C11orf65: variants seen among roughly 807,000 people sequenced by gnomAD.
C11orf65 encodes chromosome 11 open reading frame 65.
In C11orf65, 38 loss-of-function variants were observed where a neutral mutation model predicts 35.3. The observed-to-expected ratio is 1.08, with a 90% CI of 0.83 to 1.41. The LOEUF is 1.41. C11orf65 is among the 40% of genes most tolerant of loss of function. C11orf65 has a pLI of 0.00. For synonymous variants in C11orf65, 105 were observed against 114.4 expected (o/e 0.92, Z 0.53); for missense variants, 370 against 367.1 (o/e 1.01, Z -0.06).
At chr11:108,336,042 T>C in intron 2 of C11orf65, 1 of 1,088,112 alleles carries the variant, frequency 9.2e-7, no homozygotes, top group Non-Finnish European at 1.4e-6. Context: ...CATGCCCATA[T>C]TCATAATGCT....
At chr11:108,337,163 T>A (rs2086943075) in intron 2 of C11orf65, among the ~76,000 whole-genome samples, 1 of 152,198 alleles carries the variant, frequency 6.6e-6, no homozygotes, top group Non-Finnish European at 1.5e-5. Flanking sequence ...GAACTTGGTT[T>A]TGAGCTTCTT....
In C11orf65 at chr11:108,349,670, G is replaced by C. The variant is rs183038754; in HGVS notation, c.227-14378C>G. Among the ~76,000 whole-genome samples, 391 of 152,120 alleles carry C rather than the reference G, an allele frequency of 2.6e-3. 2 individuals carry two copies. Among genetic ancestry groups the C allele is most frequent in the African/African-American group, 9.1e-3 (378 of 41,520 alleles). ...AGAGCAAGACTGTCTCAAAAAAAAA[G>C]AATGTGGAATCTTCCTACAAGAAGT... On this transcript the variant is annotated intron_variant, in intron 2 of 3. Transcript: ENST00000524755.
In C11orf65 at chr11:108,332,748, T is replaced by G. The variant is rs961324792; in HGVS notation, c.300-1181A>C. 1 of 1,610,454 alleles carries G rather than the reference T, an allele frequency of 6.2e-7. No homozygotes were observed. Among genetic ancestry groups the G allele is most frequent in the Non-Finnish European group, 8.5e-7 (1 of 1,179,016 alleles). Reference sequence around the variant, plus strand: ...GTAGTTCCTTATGTAATGTTTTTTGTTTTTTATTAATAGGATCGAACAGAG... The same window carrying G: ...GTAGTTCCTTATGTAATGTTTTTTGGTTTTTATTAATAGGATCGAACAGAG... On this transcript the variant is annotated intron_variant, in intron 3 of 3. Coordinates refer to the C11orf65 transcript ENST00000524755.
chr11:108,381,304 A>T (rs997668692), downstream of C11orf65, among the ~76,000 whole-genome samples: 2 of 152,182 alleles, frequency 1.3e-5, no homozygotes, highest in African/African-American at 4.8e-5. Flanking sequence ...AACTGAGTCC[A>T]TGTAGCCACT....
intron 2 of C11orf65, among the ~76,000 whole-genome samples, chr11:108,364,013 T>C (rs767240910): frequency 6.6e-5 from 10 of 152,190 alleles, no homozygotes; most frequent in Non-Finnish European, 1.3e-4. Flanking sequence ...ATAGGAAACC[T>C]TGAACTTAAC....
chr11:108,450,985 C>T (rs1238657474), intron 2 of C11orf65, among the ~76,000 whole-genome samples: 7 of 151,842 alleles, frequency 4.6e-5, no homozygotes, highest in Admixed American at 3.9e-4. Context: ...TCTCAATAAA[C>T]TAGGTACTGA....
chr11:108,365,044 T>C lies in C11orf65; in HGVS notation c.226+28164A>G, dbSNP rs2137863292. 3.7e-6 allele frequency: 6 copies of C among 1,605,124 alleles called. No individual in the cohort carries two copies. In the South Asian group the frequency reaches 6.6e-5, roughly 18 times the overall value. ...TGTTTCTAAGTATGTGATTAAAATGTACATTGTTCTTTTAATACATATGTT... is the reference window on the plus strand; with the variant it reads ...TGTTTCTAAGTATGTGATTAAAATGCACATTGTTCTTTTAATACATATGTT... On this transcript the variant is annotated intron_variant, in intron 2 of 3. Coordinates refer to the C11orf65 transcript ENST00000524755.
rs1166582977 is a variant in C11orf65 at position 108,326,040 on chromosome 11, A to T, written c.641-16969T>A. ...CAGTAGTAAAAGTATTTATTCCCATATGTCATTTTCATTTCAGCTCCCTGA... is the reference window on the plus strand; with the variant it reads ...CAGTAGTAAAAGTATTTATTCCCATTTGTCATTTTCATTTCAGCTCCCTGA... On this transcript the variant is annotated intron_variant, in intron 6 of 6. Transcript: ENST00000525729. 1 of 1,612,484 alleles carries T rather than the reference A, an allele frequency of 6.2e-7. No individual in the cohort carries two copies. The highest frequency in any genetic ancestry group is 1.7e-5 in the Admixed American group (1 of 60,014).
At chr11:108,449,190 G>A (rs564381415) in intron 2 of C11orf65, among the ~76,000 whole-genome samples, 7 of 152,134 alleles carry the variant, frequency 4.6e-5, no homozygotes, top group Admixed American at 1.3e-4. Context: ...AATCAATATC[G>A]TGAAAATGGC....
chr11:108,345,458 T>C (rs1056035776), intron 2 of C11orf65, among the ~76,000 whole-genome samples: 2 of 152,214 alleles, frequency 1.3e-5, no homozygotes, highest in Non-Finnish European at 2.9e-5. Context: ...CATTTCTGTG[T>C]TTATTTCTGC....
chr11:108,309,472 G>C (rs2083961729), intron 6 of C11orf65, among the ~76,000 whole-genome samples: 1 of 152,158 alleles, frequency 6.6e-6, no homozygotes. Flanking sequence ...CTAGGAAACT[G>C]AGGTTTAAGA....
At chr11:108,401,561 C>T (rs920914695) in intron 6 of C11orf65, among the ~76,000 whole-genome samples, 6 of 152,108 alleles carry the variant, frequency 3.9e-5, no homozygotes, top group Admixed American at 2.0e-4. Context: ...AAGTAAGAAA[C>T]GATGTAATGC....
chr11:108,314,005 A>G (rs532559018), intron 6 of C11orf65, among the ~76,000 whole-genome samples: 1 of 152,310 alleles, frequency 6.6e-6, no homozygotes, highest in African/African-American at 2.4e-5. Context: ...AATTTTACCA[A>G]TTCCAATACA....
chr11:108,330,239 C>A (rs763068664), downstream of C11orf65: 1 of 1,614,136 alleles, frequency 6.2e-7, no homozygotes, highest in Non-Finnish European at 8.5e-7. Context: ...TCAGCGAGAG[C>A]TGGAGTTGGA....
chr11:108,308,683 G>A, exon 7 of C11orf65: 1 of 286,262 alleles, frequency 3.5e-6, no homozygotes, highest in Non-Finnish European at 6.8e-6. Flanking sequence ...TGGTAGGGGT[G>A]GTTGGTAAAG....
chr11:108,453,163 AAG>A (rs1467392059), intron 2 of C11orf65, among the ~76,000 whole-genome samples: 2 of 147,404 alleles, frequency 1.4e-5, no homozygotes, highest in African/African-American at 4.9e-5. Context: ...AAAAAGAAAA[AAG>A]AAAAAAAAAA....
chr11:108,365,239 G>A (rs1217928560), intron 2 of C11orf65: 1 of 1,614,170 alleles, frequency 6.2e-7, no homozygotes, highest in Non-Finnish European at 8.5e-7. Context: ...TTTTAAGAAG[G>A]TCCTGTTGTC....
intron 6 of C11orf65, among the ~76,000 whole-genome samples, chr11:108,398,584 C>T (rs960779306): frequency 4.6e-5 from 7 of 152,150 alleles, no homozygotes; most frequent in East Asian, 3.9e-4. Flanking sequence ...AGAAGTAAAA[C>T]GCATATTATT....
At chr11:108,428,235 T>C (rs1234447169) in intron 3 of C11orf65, among the ~76,000 whole-genome samples, 2 of 152,052 alleles carry the variant, frequency 1.3e-5, no homozygotes, top group Non-Finnish European at 1.5e-5. Context: ...GTTCTACCAG[T>C]TGTGGAAGAC....
Sources: gnomAD v4.1 joint callset for allele counts (sites outside exome capture counted in the v4.1 genomes callset) on GRCh38, gnomAD v4.1.1 for gene constraint, MANE v1.5 for transcripts, NCBI Gene and HGNC (gene_info 2026-07-23, HGNC 2026-07-21) for gene names.